Variants in PLD5 observed in about 807,000 individuals in gnomAD.
PLD5 encodes the protein phospholipase D family member 5, also known as inactive phospholipase D5.
Under a neutral mutation model 61.1 loss-of-function variants are expected in PLD5, and 36 were observed. The ratio of observed to expected loss-of-function variants is 0.59; its 90% CI spans 0.45 to 0.78. The LOEUF (loss-of-function observed/expected upper bound fraction) is 0.78. PLD5 is among the 30% of genes least tolerant of loss of function. The pLI, the probability that PLD5 is intolerant of heterozygous loss-of-function variation, is 0.00. For synonymous variants in PLD5, 243 were observed against 242.8 expected (o/e 1.00, Z -0.01); for missense variants, 515 against 644.4 (o/e 0.80, Z 2.17).
intron 7 of PLD5, among the ~76,000 whole-genome samples, chr1:242,108,445 C>G (rs2148688455): frequency 6.6e-6 from 1 of 152,212 alleles, no homozygotes; most frequent in Admixed American, 6.5e-5. Context: ...AATCCTTAAG[C>G]CTTTGCCTTA....
chr1:242,452,880 C>A (rs973876191), intron 1 of PLD5, among the ~76,000 whole-genome samples: 2 of 152,020 alleles, frequency 1.3e-5, no homozygotes, highest in African/African-American at 4.8e-5. Context: ...TCCTATCTTC[C>A]CACACACCCC....
At chr1:242,264,645 C>T (rs1413857287) in intron 4 of PLD5, among the ~76,000 whole-genome samples, 6 of 152,118 alleles carry the variant, frequency 3.9e-5, no homozygotes, top group Non-Finnish European at 8.8e-5. Context: ...TAGGGACGTC[C>T]GGCAGCTTGA....
At chr1:242,350,417 A>G (rs1660406252) in intron 1 of PLD5, among the ~76,000 whole-genome samples, 1 of 136,068 alleles carries the variant, frequency 7.3e-6, no homozygotes, top group South Asian at 2.5e-4. Context: ...TTAGTGATAA[A>G]TATATGTATA....
At chr1:242,322,355 A>G (rs2149189231) in intron 2 of PLD5, among the ~76,000 whole-genome samples, 1 of 152,230 alleles carries the variant, frequency 6.6e-6, no homozygotes, top group Middle Eastern at 3.4e-3. Context: ...ACCTTTTTCA[A>G]GTCTTTGTCC....
At chr1:242,336,519 A>T (rs1184547771) in intron 2 of PLD5, among the ~76,000 whole-genome samples, 1 of 152,248 alleles carries the variant, frequency 6.6e-6, no homozygotes, top group Non-Finnish European at 1.5e-5. Context: ...CGTGGAAAAA[A>T]ATCGTTCATG....
chr1:242,354,934 G>C (rs1660677802), intron 1 of PLD5, among the ~76,000 whole-genome samples: 1 of 151,732 alleles, frequency 6.6e-6, no homozygotes, highest in African/African-American at 2.4e-5. Context: ...TTAATAATTT[G>C]TCAATGTGGA....
intron 5 of PLD5, among the ~76,000 whole-genome samples, chr1:242,163,414 A>G: frequency 6.6e-6 from 1 of 151,962 alleles, no homozygotes. Flanking sequence ...AAGTGCTGGG[A>G]TTACAGGCGT....
intron 4 of PLD5, among the ~76,000 whole-genome samples, chr1:242,223,895 A>G (rs1445774757): frequency 4.0e-5 from 6 of 151,804 alleles, no homozygotes; most frequent in African/African-American, 1.2e-4. Flanking sequence ...CATGTCTAAC[A>G]TGTCCCTCAG....
intron 1 of PLD5, among the ~76,000 whole-genome samples, chr1:242,399,809 C>A (rs1431347955): frequency 6.6e-6 from 1 of 152,150 alleles, no homozygotes. Flanking sequence ...AGCAGCATTA[C>A]ATTACCACGG....
chr1:242,140,685 C>G (rs1468463955), intron 5 of PLD5, among the ~76,000 whole-genome samples: 1 of 151,934 alleles, frequency 6.6e-6, no homozygotes, highest in Non-Finnish European at 1.5e-5. Context: ...GAAGGTGGTG[C>G]AAGGACCCGC....
At chr1:242,318,244 GA>G (rs1658146288) in intron 2 of PLD5, among the ~76,000 whole-genome samples, 1 of 152,122 alleles carries the variant, frequency 6.6e-6, no homozygotes, top group Non-Finnish European at 1.5e-5. Context: ...CTTTGCCCAG[GA>G]TAAAAAGAGG....
At chr1:242,480,383 G>A (rs566319782) in intron 1 of PLD5, among the ~76,000 whole-genome samples, 23 of 152,160 alleles carry the variant, frequency 1.5e-4, no homozygotes, top group Admixed American at 3.3e-4. Flanking sequence ...GACTTCAATC[G>A]AAGAGCTAAA....
rs547458415 is a variant in PLD5 at position 242,175,251 on chromosome 1, C to A, written c.735+44737G>T. 1.8e-4 allele frequency among the ~76,000 whole-genome samples: 27 copies of A among 152,268 alleles called. 1 individual carries two copies. Among genetic ancestry groups the A allele is most frequent in the African/African-American group, 5.8e-4 (24 of 41,558 alleles). On this transcript the variant is annotated intron_variant, in intron 5 of 9. Coordinates refer to ENST00000536534, the MANE Select transcript of PLD5 (RefSeq NM_001372062.1). The stretch of plus-strand genomic sequence containing the variant: ...AGCAGCATATGAAAAAGCGTATCCA[C>A]CACGATCAAGTTGGCTTTGTCCCTA...
chr1:242,333,523 G>A (rs761211702), intron 2 of PLD5, among the ~76,000 whole-genome samples: 7 of 152,134 alleles, frequency 4.6e-5, no homozygotes, highest in Admixed American at 6.5e-5. Flanking sequence ...GAGGGCAGGA[G>A]TGTACCAGGG....
At chr1:242,247,159 T>C (rs1452092141) in intron 4 of PLD5, among the ~76,000 whole-genome samples, 1 of 152,082 alleles carries the variant, frequency 6.6e-6, no homozygotes, top group African/African-American at 2.4e-5. Context: ...AATTTTTGTA[T>C]TTTTAGTAGA....
chr1:242,523,038 T>A (rs754216788), intron 1 of PLD5, among the ~76,000 whole-genome samples: 2 of 151,876 alleles, frequency 1.3e-5, no homozygotes, highest in Non-Finnish European at 2.9e-5. Flanking sequence ...CCAGGAGGAG[T>A]GCTTTGGGGG....
intron 1 of PLD5, among the ~76,000 whole-genome samples, chr1:242,383,696 C>T (rs1662433060): frequency 6.6e-6 from 1 of 152,098 alleles, no homozygotes; most frequent in Admixed American, 6.6e-5. Context: ...GGCAAAATCT[C>T]ACCAAGACTA....
At chr1:242,175,820 G>C (rs913120406) in intron 5 of PLD5, among the ~76,000 whole-genome samples, 2 of 152,156 alleles carry the variant, frequency 1.3e-5, no homozygotes, top group African/African-American at 4.8e-5. Context: ...CAAACAGAGA[G>C]CCAAATCATG....
chr1:242,168,563 T>G (rs1448474158), intron 5 of PLD5, among the ~76,000 whole-genome samples: 1 of 152,188 alleles, frequency 6.6e-6, no homozygotes, highest in Non-Finnish European at 1.5e-5. Flanking sequence ...TAAGAGGCTC[T>G]TAAAGGTTTT....
Sources: gnomAD v4.1 joint callset for allele counts (sites outside exome capture counted in the v4.1 genomes callset) on GRCh38, gnomAD v4.1.1 for gene constraint, MANE v1.5 for transcripts, NCBI Gene and HGNC (gene_info 2026-07-23, HGNC 2026-07-21) for gene names.